Variants in HIKESHI observed in about 807,000 individuals in gnomAD.
The protein encoded by HIKESHI is heat shock protein nuclear import factor hikeshi.
In HIKESHI, 13 loss-of-function variants were observed where a neutral mutation model predicts 25.7. That is an observed-to-expected ratio of 0.51 (90% CI 0.33 to 0.80). The LOEUF (loss-of-function observed/expected upper bound fraction) is 0.80. Among genes scored for constraint, HIKESHI ranks in the 30% least tolerant of loss-of-function variants. HIKESHI has a pLI of 0.02. For missense variants in HIKESHI, 174 were observed against 229.5 expected, an observed-to-expected ratio of 0.76 and a Z score of 1.56; for synonymous variants, 76 against 78.7, an observed-to-expected ratio of 0.97 and a Z score of 0.18.
intron 2 of HIKESHI, among the ~76,000 whole-genome samples, chr11:86,312,416 G>C (rs1946858173): frequency 6.6e-6 from 1 of 152,112 alleles, no homozygotes; most frequent in East Asian, 1.9e-4. Context: ...TTGCTTGGTA[G>C]ATCTTCCTCC....
At chr11:86,325,933 G>T (rs1947270224) in intron 2 of HIKESHI, among the ~76,000 whole-genome samples, 2 of 151,514 alleles carry the variant, frequency 1.3e-5, no homozygotes. Flanking sequence ...ATTTGGGAAG[G>T]TTTAAAGAGG....
At chr11:86,319,238 A>AT (rs1246298090) in intron 2 of HIKESHI, among the ~76,000 whole-genome samples, 15 of 83,004 alleles carry the variant, frequency 1.8e-4, no homozygotes, top group African/African-American at 7.8e-4. Context: ...ATATATATAT[A>AT]TATATTTTTT....
chr11:86,326,563 T>G (rs1188068113), intron 2 of HIKESHI: 1 of 456,210 alleles, frequency 2.2e-6, no homozygotes, highest in Non-Finnish European at 4.4e-6. Context: ...TGCATGTGTG[T>G]GTGAATATTA....
At chr11:86,314,554 G>A (rs1241813608) in intron 2 of HIKESHI, among the ~76,000 whole-genome samples, 1 of 152,110 alleles carries the variant, frequency 6.6e-6, no homozygotes, top group African/African-American at 2.4e-5. Flanking sequence ...GGTGGAGATT[G>A]CAGTTGCAGT....
At chr11:86,306,524 T>A (rs1946628311) in intron 2 of HIKESHI, 42 bp downstream of exon 2, 2 of 1,256,678 alleles carry the variant, frequency 1.6e-6, no homozygotes, top group Admixed American at 4.1e-5. Context: ...TTAATCAAAC[T>A]TTTTTCTTAA....
chr11:86,332,258 C>T (rs185223308), intron 2 of HIKESHI, among the ~76,000 whole-genome samples: 5 of 152,198 alleles, frequency 3.3e-5, no homozygotes, highest in Admixed American at 2.6e-4. Flanking sequence ...GCCACCGTGC[C>T]CGGCCCGTAA....
At chr11:86,317,156 G>A (rs1203071670) in intron 2 of HIKESHI, among the ~76,000 whole-genome samples, 2 of 151,982 alleles carry the variant, frequency 1.3e-5, no homozygotes, top group African/African-American at 2.4e-5. Context: ...TGAATTTTAA[G>A]AAAAATTAGA....
intron 2 of HIKESHI, among the ~76,000 whole-genome samples, chr11:86,322,898 T>A (rs967702074): frequency 6.6e-6 from 1 of 152,190 alleles, no homozygotes; most frequent in Non-Finnish European, 1.5e-5. Context: ...GCATGTTCTC[T>A]TGATACTCAC....
intron 2 of HIKESHI, among the ~76,000 whole-genome samples, chr11:86,329,945 T>A (rs957397265): frequency 3.3e-5 from 5 of 152,124 alleles, no homozygotes; most frequent in African/African-American, 1.2e-4. Flanking sequence ...CTGCCTTTTC[T>A]TTTTTTAACT....
chr11:86,302,581 T>A, intron 1 of HIKESHI, 103 bp downstream of exon 1: 1 of 1,362,564 alleles, frequency 7.3e-7, no homozygotes, highest in Non-Finnish European at 1.0e-6. Flanking sequence ...GGAAGCCCAC[T>A]TATTATATTT....
intron 2 of HIKESHI, among the ~76,000 whole-genome samples, chr11:86,319,234 A>ATTTTT (rs1226979357): frequency 1.1e-5 from 1 of 90,724 alleles, no homozygotes; most frequent in African/African-American, 5.4e-5. Context: ...ATATATATAT[A>ATTTTT]TATATATATT....
chr11:86,340,040 G>C (rs187987726), intron 3 of HIKESHI, among the ~76,000 whole-genome samples: 3 of 152,000 alleles, frequency 2.0e-5, no homozygotes, highest in Non-Finnish European at 4.4e-5. Flanking sequence ...TCAGAATGAT[G>C]GTTTCCAGCT....
At position 86,343,129 on chromosome 11, in the gene HIKESHI, GTTTTC is replaced by G. The variant is rs369825427; in HGVS notation, c.421-1467_421-1463del. ...GAAAATGGTATATATAGGTCCTTTTGTTTTCTTTTCTGTCTCTTAGTAGTCTTTAT... is the reference window on the plus strand; with the variant it reads ...GAAAATGGTATATATAGGTCCTTTTGTTTTCTGTCTCTTAGTAGTCTTTAT... On this transcript the variant is annotated intron_variant, in intron 3 of 4. Coordinates refer to ENST00000278483, the MANE Select transcript of HIKESHI (RefSeq NM_016401.4). 2.6e-5 allele frequency among the ~76,000 whole-genome samples: 4 copies of G among 152,036 alleles called. 1 individual carries two copies. The highest frequency in any genetic ancestry group is 9.6e-5 in the African/African-American group (4 of 41,496).
chr11:86,324,497 A>T (rs1947226359), intron 2 of HIKESHI, among the ~76,000 whole-genome samples: 1 of 152,222 alleles, frequency 6.6e-6, no homozygotes, highest in South Asian at 2.1e-4. Flanking sequence ...TAAACAAATG[A>T]TAAAATGCTA....
At chr11:86,325,208 T>G (rs796288304) in intron 2 of HIKESHI, among the ~76,000 whole-genome samples, 16 of 151,988 alleles carry the variant, frequency 1.1e-4, no homozygotes, top group African/African-American at 3.9e-4. Flanking sequence ...AGAGAAAAAT[T>G]TTGGCAGTGC....
intron 3 of HIKESHI, 178 bp from the exon 4 acceptor site, chr11:86,344,425 C>T (rs572075098): frequency 1.1e-5 from 5 of 451,188 alleles, no homozygotes; most frequent in African/African-American, 1.0e-4. Context: ...GCCTCAGCCT[C>T]CCAAAGTTTT....
intron 2 of HIKESHI, among the ~76,000 whole-genome samples, chr11:86,314,083 G>A (rs1032123403): frequency 2.0e-5 from 3 of 152,158 alleles, no homozygotes; most frequent in Admixed American, 6.5e-5. Context: ...ATTCTACAAA[G>A]TATGTGTACC....
chr11:86,310,548 C>T (rs1946808852), intron 2 of HIKESHI, among the ~76,000 whole-genome samples: 2 of 152,162 alleles, frequency 1.3e-5, no homozygotes, highest in Admixed American at 1.3e-4. Context: ...ATTGAATACC[C>T]TTTATTTCTT....
At chr11:86,340,570 A>C (rs1185069193) in intron 3 of HIKESHI, among the ~76,000 whole-genome samples, 1 of 148,514 alleles carries the variant, frequency 6.7e-6, no homozygotes, top group Non-Finnish European at 1.5e-5. Context: ...GTGTCTGTTC[A>C]TATCCTTTGC....
Sources: gnomAD v4.1 joint callset for allele counts (sites outside exome capture counted in the v4.1 genomes callset) on GRCh38, gnomAD v4.1.1 for gene constraint, MANE v1.5 for transcripts, NCBI Gene and HGNC (gene_info 2026-07-23, HGNC 2026-07-21) for gene names.